The following ADAMTS13 variants were observed in gnomAD, a reference collection of about 807,000 sequenced individuals.
The protein encoded by ADAMTS13 is ADAM metallopeptidase with thrombospondin type 1 motif 13.
ADAMTS13 carries 110 observed loss-of-function variants against 155.1 expected under a neutral mutation model. The observed-to-expected ratio is 0.71, with a 90% CI of 0.61 to 0.83. ADAMTS13 has a LOEUF of 0.83. Among genes scored for constraint, ADAMTS13 ranks in the 40% least tolerant of loss-of-function variants. ADAMTS13 has a pLI of 0.00. For missense variants in ADAMTS13, 1,707 were observed against 1,891.7 expected (o/e 0.90, Z 1.81); for synonymous variants, 758 against 756.4 (o/e 1.00, Z -0.03).
intron 8 of ADAMTS13, 74 bp from the exon 9 acceptor site, chr9:133,432,514 C>A: frequency 7.8e-7 from 1 of 1,283,828 alleles, no homozygotes; most frequent in Non-Finnish European, 1.1e-6. Flanking sequence ...CTGGGAGGGA[C>A]AGTTAAGGTT....
At chr9:133,422,178 G>C, upstream of ADAMTS13, 2 of 563,140 alleles carry the variant, frequency 3.6e-6, no homozygotes, top group Non-Finnish European at 6.4e-6. Flanking sequence ...GTGCACATCC[G>C]GAGAGCTGTC....
At chr9:133,454,686 G>T (rs1473873236) in intron 24 of ADAMTS13, 67 bp downstream of exon 24, 1 of 1,510,376 alleles carries the variant, frequency 6.6e-7, no homozygotes, top group Non-Finnish European at 8.9e-7. Flanking sequence ...CTCCTCATGT[G>T]TGAGGGAGTC....
intron 7 of ADAMTS13, chr9:133,429,637 C>T (rs1840582510): frequency 5.6e-6 from 3 of 537,922 alleles, no homozygotes; most frequent in East Asian, 3.7e-5. Context: ...TGTATCCCTG[C>T]GTCCCCTTCC....
chr9:133,418,126 G>A (rs989692771), upstream of ADAMTS13: 2 of 481,612 alleles, frequency 4.2e-6, no homozygotes, highest in African/African-American at 4.1e-5. Context: ...ACGGGACTTG[G>A]GCCGCCGCCT....
upstream of ADAMTS13, among the ~76,000 whole-genome samples, chr9:133,420,029 C>T (rs897335469): frequency 2.8e-4 from 42 of 152,270 alleles, 1 homozygote; most frequent in African/African-American, 9.1e-4. Context: ...CTCAGCCTCC[C>T]GAGTAGCTGG....
At position 133,440,296 on chromosome 9, in the gene ADAMTS13, G is replaced by A. The variant is rs782696813; in HGVS notation, c.1787-48G>A. 6 of 1,611,556 alleles carry A rather than the reference G, an allele frequency of 3.7e-6. No homozygotes were observed. In the South Asian group the frequency reaches 4.4e-5, roughly 12 times the overall value. The stretch of plus-strand genomic sequence containing the variant: ...AGTCACTGACATGTGCCTGTGAGGA[G>A]GATGGGTGCTCAGCTCCACACAGCT... On this transcript the variant is annotated intron_variant, in intron 15 of 28. Coordinates refer to ENST00000355699, the MANE Select transcript of ADAMTS13 (RefSeq NM_139027.6). This position sits in a 1 kb window ranked among gnomAD's most constrained non-coding sequence, Gnocchi z 4.3.
chr9:133,455,798 A>C (rs1554795723), intron 25 of ADAMTS13: 1 of 853,778 alleles, frequency 1.2e-6, no homozygotes, highest in Admixed American at 2.2e-5. Flanking sequence ...AGTAACTTGA[A>C]GGTAGGAACC....
intron 11 of ADAMTS13, 53 bp from the exon 12 acceptor site, chr9:133,436,776 A>AGGGGGGGGGGGGGGGGC: frequency 2.8e-6 from 2 of 715,604 alleles, no homozygotes; most frequent in Non-Finnish European, 2.2e-6. Flanking sequence ...CCCAGTGACA[A>AGGGGGGGGGGGGGGGGC]CACCCGCCCC....
intron 25 of ADAMTS13, chr9:133,455,771 T>TA: frequency 1.0e-6 from 1 of 969,178 alleles, no homozygotes; most frequent in Non-Finnish European, 1.6e-6. Context: ...ACCTCCCTTT[T>TA]ACTACTATCA....
In ADAMTS13 at chr9:133,438,229, T is replaced by C. The variant is rs587608624; in HGVS notation, c.1585-17T>C. 15 of 1,614,114 alleles carry C rather than the reference T, an allele frequency of 9.3e-6. No homozygotes were observed. In the South Asian group the frequency reaches 1.5e-4, roughly 17 times the overall value. On this transcript the variant is annotated splice_polypyrimidine_tract_variant and intron_variant, in intron 13 of 28. Transcript: ENST00000355699. ...ACCCTCCAGTGACACGGGCCCTCTG[T>C]CCTTCCCTTTGCATAGACATTTGGC...
Position 133,430,060 on chromosome 9 carries a change from G to T in ADAMTS13, c.946G>T (p.Gly316Cys). ...CAACGAGCAGTGCCGCGTGGCCTTC[G>T]GCCCCAAGGCTGTCGCCTGCACCTT... ...SANEQCRVAF[G>C]PKAVACTFAR... The change falls in exon 8 of 29, where the codon GGC becomes TGC. Residue 316 changes from glycine to cysteine, a missense_variant. Around this residue, in one of 3 missense-constraint regions of ADAMTS13, gnomAD observed 733 missense variants for 749.6 expected, o/e 0.98. Coordinates refer to ENST00000355699, the MANE Select transcript of ADAMTS13 (RefSeq NM_139027.6). The T allele has an allele frequency of 6.3e-7, 1 of 1,595,212 alleles. No individual in the cohort carries two copies. The highest frequency in any genetic ancestry group is 8.5e-7 in the Non-Finnish European group (1 of 1,176,358).
At position 133,452,231 on chromosome 9, in the gene ADAMTS13, G is replaced by C. The variant is rs587642989; in HGVS notation, c.3045-2184G>C. 4.6e-5 allele frequency among the ~76,000 whole-genome samples: 7 copies of C among 151,956 alleles called. No individual in the cohort carries two copies. The East Asian group carries it at 1.4e-3, about 29-fold the overall frequency. ...GGGTTCAAGTGATTTTCATGCCTCA[G>C]CTTCCCGAGTAGCTGGGATTACAGG... On this transcript the variant is annotated intron_variant, in intron 23 of 28. Transcript: ENST00000355699.
upstream of ADAMTS13, chr9:133,417,486 G>C: frequency 1.1e-6 from 1 of 907,062 alleles, no homozygotes; most frequent in Non-Finnish European, 1.7e-6. Context: ...CACCTTTCTT[G>C]TGAAAAGCTG....
At chr9:133,431,755 A>G (rs1554787549) in intron 8 of ADAMTS13, among the ~76,000 whole-genome samples, 1 of 152,160 alleles carries the variant, frequency 6.6e-6, no homozygotes. Flanking sequence ...TCAGGGTTCA[A>G]GCCATTCTCC....
chr9:133,437,040 C>T lies in ADAMTS13; in HGVS notation c.1435+85C>T, dbSNP rs1403450247. 8.7e-6 allele frequency: 13 copies of T among 1,502,166 alleles called. No homozygotes were observed. In the South Asian group the frequency reaches 8.7e-5, roughly 10 times the overall value. 93.1% of individuals were successfully genotyped at this position (1,502,166 alleles called of 1,614,324 possible). On this transcript the variant is annotated intron_variant, in intron 12 of 28. Transcript: ENST00000355699. ...GCAGAGTCATAGGGGGGTTGGCCTA[C>T]TATCCCTCCAGCACTGGGCAAAGTG... is the stretch of plus-strand genomic sequence containing the variant.
intron 19 of ADAMTS13, 55 bp downstream of exon 19, chr9:133,443,616 C>T: frequency 1.4e-6 from 2 of 1,468,542 alleles, no homozygotes; most frequent in South Asian, 2.7e-5. Flanking sequence ...GAGCTCGTCC[C>T]TGCGCTGAGC....
In ADAMTS13 at chr9:133,449,891, G is replaced by A; in HGVS notation, c.2970G>A (p.Leu990=). 1 of 1,613,882 alleles carries A rather than the reference G, an allele frequency of 6.2e-7. No individual in the cohort carries two copies. Among genetic ancestry groups the A allele is most frequent in the Non-Finnish European group, 8.5e-7 (1 of 1,180,008 alleles). Residue 990 remains leucine (L), a synonymous_variant, in exon 23 of 29, where the codon CTG becomes CTA. Coordinates refer to ENST00000355699, the MANE Select transcript of ADAMTS13 (RefSeq NM_139027.6). ...GGGAGGACGATGGTGAGGAGATCCTGTTGGACACCCAGTGCCAGGGGCTGC... is the reference window on the plus strand; with the variant it reads ...GGGAGGACGATGGTGAGGAGATCCTATTGGACACCCAGTGCCAGGGGCTGC... ...AHGEDDGEEI[L]LDTQCQGLPR...
At chr9:133,439,468 C>A in intron 15 of ADAMTS13, 22 bp downstream of exon 15, 4 of 1,595,874 alleles carry the variant, frequency 2.5e-6, no homozygotes, top group Non-Finnish European at 3.4e-6. Flanking sequence ...GGAGGACTCC[C>A]ACCCAGTTAG....
At position 133,445,773 on chromosome 9, in the gene ADAMTS13, C is replaced by A; in HGVS notation, c.2685C>A (p.His895Gln). Residue 895 changes from histidine to glutamine, a missense_variant, in exon 21 of 29, where the codon CAC (histidine) becomes CAA (glutamine). Coordinates refer to ENST00000355699, the MANE Select transcript of ADAMTS13 (RefSeq NM_139027.6). The surrounding 1 kb of genome is among the most constrained non-coding windows in gnomAD (Gnocchi z 5.0). Reference protein sequence around the residue: ...GSIRTGAQAAHVWTPAAGSCS... With the variant: ...GSIRTGAQAAQVWTPAAGSCS... ...TCAGGACGGGGGCTCAAGCTGCACA[C>A]GTGTGGACCCCTGCGGCAGGGTCGT... The A allele has an allele frequency of 6.2e-7, 1 of 1,601,742 alleles. No individual in the cohort carries two copies.
Sources: allele counts gnomAD v4.1 joint callset (sites outside exome capture counted in the v4.1 genomes callset), GRCh38; gene constraint gnomAD v4.1.1; regional missense constraint gnomAD v4.1.1; non-coding constraint Gnocchi (gnomAD v3.1); transcripts MANE v1.5; gene names NCBI Gene and HGNC (gene_info 2026-07-23, HGNC 2026-07-21).